Variants in DLST observed in about 807,000 individuals in gnomAD.
The protein encoded by DLST is dihydrolipoamide S-succinyltransferase, also known as dihydrolipoyllysine-residue succinyltransferase component of 2-oxoglutarate dehydrogenase complex, mitochondrial.
DLST carries 17 observed loss-of-function variants against 53.1 expected under a neutral mutation model. The ratio of observed to expected loss-of-function variants is 0.32; its 90% CI spans 0.22 to 0.48. The LOEUF (loss-of-function observed/expected upper bound fraction) is 0.48, where lower values mean the gene tolerates loss of function less well. Ranked by LOEUF, DLST falls within the 20% of genes least tolerant of loss-of-function variation. The pLI is 0.99. For missense variants in DLST, 512 were observed against 583.9 expected (o/e 0.88, Z 1.27); for synonymous variants, 206 against 204.8 (o/e 1.01, Z -0.05).
chr14:74,894,152 G>A (rs1211818810), intron 9 of DLST, among the ~76,000 whole-genome samples, 160 bp from the exon 10 acceptor site: 1 of 152,176 alleles, frequency 6.6e-6, no homozygotes, highest in African/African-American at 2.4e-5. Context: ...GCTTGGAGGA[G>A]AAAGGGCCAC....
rs1884337283 is a variant in DLST at position 74,903,335 on chromosome 14, G to C, written c.*1005G>C. The C allele has an allele frequency of 6.6e-6, 1 of 152,572 alleles. No homozygotes were observed. The highest frequency in any genetic ancestry group is 2.4e-5 in the African/African-American group (1 of 41,464). 9.5% of individuals were successfully genotyped at this position (152,572 alleles called of 1,614,324 possible). On this transcript the variant is annotated 3_prime_UTR_variant, in exon 15 of 15. Coordinates refer to ENST00000334220, the MANE Select transcript of DLST (RefSeq NM_001933.5). ...CCTTCCTGCGTTATAGCGGGGCCTT[G>C]TCTCTTCCTCTGCAGGACACAGATC...
chr14:74,902,079 A>G (rs1200134587), intron 14 of DLST, 117 bp from the exon 15 acceptor site: 1 of 1,121,746 alleles, frequency 8.9e-7, no homozygotes, highest in Admixed American at 3.1e-5. Flanking sequence ...TGCAGAGGCA[A>G]CATCAATAGG....
intron 1 of DLST, 87 bp downstream of exon 1, chr14:74,882,103 C>A: frequency 8.0e-7 from 1 of 1,248,846 alleles, no homozygotes; most frequent in Non-Finnish European, 1.0e-6. Context: ...GCGCGGCGCG[C>A]CGGCCGGGCC....
At chr14:74,891,688 G>C in intron 7 of DLST, 1 of 984,398 alleles carries the variant, frequency 1.0e-6, no homozygotes, top group Non-Finnish European at 1.2e-6. Flanking sequence ...TAGGATTAGA[G>C]ATTAATAACT....
At chr14:74,889,070 G>A (rs1883806434) in intron 3 of DLST, 25 bp from the exon 4 acceptor site, 1 of 1,613,102 alleles carries the variant, frequency 6.2e-7, no homozygotes, top group Non-Finnish European at 8.5e-7. Flanking sequence ...CTGTTAAAAG[G>A]AGTTAACGTG....
At chr14:74,890,381 G>A (rs1336807691) in intron 6 of DLST, among the ~76,000 whole-genome samples, 1 of 152,030 alleles carries the variant, frequency 6.6e-6, no homozygotes, top group East Asian at 1.9e-4. Flanking sequence ...GCCTCCCAAA[G>A]TGTTGGGATT....
intron 8 of DLST, 113 bp from the exon 9 acceptor site, chr14:74,893,235 A>T (rs1380946174): frequency 3.2e-6 from 4 of 1,248,386 alleles, no homozygotes; most frequent in Non-Finnish European, 4.6e-6. Flanking sequence ...TGATACTAAT[A>T]TACCTCAGAA....
In DLST at chr14:74,900,390, A is replaced by G; in HGVS notation, c.1059+18A>G. The stretch of plus-strand genomic sequence containing the variant: ...GAGAGAAGGTAAAGTAGAAAGATGT[A>G]TACAAGCTGCTAAGCAGGCGAGGGA... On this transcript the variant is annotated intron_variant, in intron 13 of 14. Transcript: ENST00000334220. The G allele has an allele frequency of 6.2e-7, 1 of 1,609,692 alleles. No homozygotes were observed. Among genetic ancestry groups the G allele is most frequent in the Admixed American group, 1.7e-5 (1 of 60,010 alleles).
chr14:74,883,978 T>C (rs554307860), intron 2 of DLST, among the ~76,000 whole-genome samples: 2 of 152,322 alleles, frequency 1.3e-5, no homozygotes, highest in South Asian at 4.1e-4. Context: ...GGCATAAATT[T>C]TGGTTACTAC....
At position 74,903,046 on chromosome 14, in the gene DLST, A is replaced by C. The variant is rs1318825765; in HGVS notation, c.*716A>C. The C allele has an allele frequency of 6.6e-6, 1 of 152,664 alleles. No individual in the cohort carries two copies. The highest frequency in any genetic ancestry group is 6.5e-5 in the Admixed American group (1 of 15,276). The allele number at this position is 152,664 out of a possible 1,614,324, so 9.5% of individuals were successfully genotyped here. ...TCTCCATCATAGGCTGACACCAAGA[A>C]GACTCGTCTTGGCACAATCTCACAC... On this transcript the variant is annotated 3_prime_UTR_variant, in exon 15 of 15. Transcript: ENST00000334220.
chr14:74,882,708 T>C (rs1482042518), intron 2 of DLST, 84 bp downstream of exon 2: 3 of 1,273,978 alleles, frequency 2.4e-6, no homozygotes, highest in Non-Finnish European at 3.4e-6. Context: ...CCTGTGTTTC[T>C]CATAATATTT....
Position 74,892,895 on chromosome 14 carries a change from T to C in DLST, c.504T>C (p.Pro168=). The change falls in exon 8 of 15, where the codon CCT becomes CCC. Residue 168 remains proline, a synonymous_variant. Transcript: ENST00000334220. The part of the protein sequence containing the change: ...APAAAAPKAE[P]TAAAVPPPAA... ...CTGCTGCAGCCCCAAAAGCAGAACC[T>C]ACAGCAGCGGCAGTTCCTCCCCCTG... 2.5e-6 allele frequency: 4 copies of C among 1,614,136 alleles called. No homozygotes were observed. The highest frequency in any genetic ancestry group is 3.4e-6 in the Non-Finnish European group (4 of 1,180,008).
chr14:74,882,345 C>G (rs552880930), intron 1 of DLST, among the ~76,000 whole-genome samples: 33 of 152,316 alleles, frequency 2.2e-4, no homozygotes, highest in African/African-American at 7.9e-4. Flanking sequence ...CGGCGGGATT[C>G]GGCGCCCGTC....
rs1236517952 is a variant in DLST at position 74,903,105 on chromosome 14, T to G, written c.*775T>G. The G allele has an allele frequency of 6.5e-6, 1 of 152,724 alleles. No homozygotes were observed. The highest frequency in any genetic ancestry group is 1.5e-5 in the Non-Finnish European group (1 of 68,108). 9.5% of individuals were successfully genotyped at this position (152,724 alleles called of 1,614,324 possible). A position where few individuals can be genotyped will look rare whatever the true frequency, so the allele number is the denominator to read the frequency against. On this transcript the variant is annotated 3_prime_UTR_variant, in exon 15 of 15. Transcript: ENST00000334220. ...CTGTAGCAACCCTTTCCAACCCCTT[T>G]GCTGGTTGCTGGGCCTCATTCTAGC...
chr14:74,883,942 CA>C lies in DLST; in HGVS notation c.97+1321del, dbSNP rs1469777212. On this transcript the variant is annotated intron_variant, in intron 2 of 14. Coordinates refer to ENST00000334220, the MANE Select transcript of DLST (RefSeq NM_001933.5). Reference sequence around the variant, plus strand: ...TTATGGGCTAGCTGGAGAGAGAGAGCAAATATACATTTATGCTCCGACAAGG... The same window carrying C: ...TTATGGGCTAGCTGGAGAGAGAGAGCAATATACATTTATGCTCCGACAAGG... Among the ~76,000 whole-genome samples, 4 of 152,142 alleles carry C rather than the reference CA, an allele frequency of 2.6e-5. No homozygotes were observed. In the East Asian group the frequency reaches 7.7e-4, roughly 29 times the overall value.
At chr14:74,898,706 C>G (rs570903184) in intron 11 of DLST, among the ~76,000 whole-genome samples, 3 of 152,274 alleles carry the variant, frequency 2.0e-5, no homozygotes, top group Non-Finnish European at 4.4e-5. Context: ...AGAACAGTTT[C>G]TCTTCCCAGT....
At position 74,891,628 on chromosome 14, in the gene DLST, T is replaced by C. The variant is rs1883911028; in HGVS notation, c.442+461T>C. ...TGTTCTCTCATATCTCTAGGAAGGG[T>C]TGGTATTTCTTTTGGGAAGAAATGA... is the stretch of plus-strand genomic sequence containing the variant. On this transcript the variant is annotated intron_variant, in intron 7 of 14. Coordinates refer to ENST00000334220, the MANE Select transcript of DLST (RefSeq NM_001933.5). The C allele has an allele frequency of 1.3e-5, 13 of 985,834 alleles. No homozygotes were observed. The South Asian group carries it at 5.6e-4, about 43-fold the overall frequency. 61.1% of individuals were successfully genotyped at this position (985,834 alleles called of 1,614,324 possible). A position where few individuals can be genotyped will look rare whatever the true frequency, so the allele number is the denominator to read the frequency against.
chr14:74,894,862 T>G (rs1884029476), intron 10 of DLST, among the ~76,000 whole-genome samples: 1 of 152,120 alleles, frequency 6.6e-6, no homozygotes, highest in Non-Finnish European at 1.5e-5. Flanking sequence ...ATTGTTAACT[T>G]TCACAGAGTG....
chr14:74,893,755 G>T (rs934894979), intron 9 of DLST, among the ~76,000 whole-genome samples: 22 of 152,184 alleles, frequency 1.4e-4, no homozygotes. Context: ...AGGTGGTTTA[G>T]TGAGCTCTAT....
Sources: gnomAD v4.1 joint callset for allele counts (sites outside exome capture counted in the v4.1 genomes callset) on GRCh38, gnomAD v4.1.1 for gene constraint, MANE v1.5 for transcripts, NCBI Gene and HGNC (gene_info 2026-07-23, HGNC 2026-07-21) for gene names.